ARL10: variants seen among roughly 807,000 people sequenced by gnomAD.
ARL10 encodes ARF like GTPase 10, also known as ADP-ribosylation factor-like protein 10.
A neutral mutation model predicts 26.1 loss-of-function variants in ARL10; 23 were observed. The ratio of observed to expected loss-of-function variants is 0.88; its 90% CI spans 0.63 to 1.25. The LOEUF is 1.25. Among genes scored for constraint, ARL10 ranks in the 50% most tolerant of loss-of-function variants. The pLI is 0.00. For synonymous variants in ARL10, 138 were observed against 149.1 expected, an observed-to-expected ratio of 0.93 and a Z score of 0.54; for missense variants, 300 against 323.6, an observed-to-expected ratio of 0.93 and a Z score of 0.56.
chr5:176,366,558 A>G lies in ARL10; in HGVS notation c.362A>G (p.Asp121Gly). The change falls in exon 2 of 4, where the codon GAC (aspartate) becomes GGC (glycine). Residue 121 changes from aspartate to glycine, a missense_variant. Coordinates refer to ENST00000310389, the MANE Select transcript of ARL10 (RefSeq NM_173664.6). ...GFNSVRLPTK[D>G]FEVDLLEIGG... The stretch of plus-strand genomic sequence containing the variant: ...AACTCCGTGCGTCTGCCCACCAAGG[A>G]CTTTGAGGTGGACCTGCTAGAAAGT... 1.2e-6 allele frequency: 2 copies of G among 1,614,038 alleles called. No homozygotes were observed. Among genetic ancestry groups the G allele is most frequent in the Admixed American group, 3.3e-5 (2 of 60,012 alleles).
At position 176,368,473 on chromosome 5, in the gene ARL10, G is replaced by A. The variant is rs994724340; in HGVS notation, c.386-334G>A. On this transcript the variant is annotated intron_variant, in intron 2 of 3. Transcript: ENST00000310389. The surrounding 1 kb of genome is among the most constrained non-coding windows in gnomAD (Gnocchi z 4.1). ...GTCCCGTGAAAGGTACATCGCACGT[G>A]GTACCTGTGGGTTTTACTGCAACAA... is the stretch of plus-strand genomic sequence containing the variant. 1.3e-5 allele frequency among the ~76,000 whole-genome samples: 2 copies of A among 152,078 alleles called. No individual in the cohort carries two copies. Among genetic ancestry groups the A allele is most frequent in the African/African-American group, 4.8e-5 (2 of 41,398 alleles).
At chr5:176,406,410 G>T, downstream of ARL10, 1 of 1,162,670 alleles carries the variant, frequency 8.6e-7, no homozygotes, top group Non-Finnish European at 1.1e-6. Flanking sequence ...CACCAGCCAA[G>T]CGTGTGCTGC....
chr5:176,390,037 C>T (rs772379584), downstream of ARL10, among the ~76,000 whole-genome samples: 1 of 151,988 alleles, frequency 6.6e-6, no homozygotes, highest in Non-Finnish European at 1.5e-5. Flanking sequence ...ACAAAATTAG[C>T]TGGGCGTGGT....
chr5:176,381,785 A>T lies in ARL10; in HGVS notation c.*9890A>T, dbSNP rs1211785044. ...CCTTTGGAACCAGCACTAATTGTTG[A>T]GGGGGTCCCTGGGGTCCCTTTTTAC... On this transcript the variant is annotated 3_prime_UTR_variant, in exon 4 of 4. Coordinates refer to ENST00000310389, the MANE Select transcript of ARL10 (RefSeq NM_173664.6). 6 of 152,204 alleles carry T rather than the reference A, an allele frequency of 3.9e-5. No individual in the cohort carries two copies. The highest frequency in any genetic ancestry group is 8.8e-5 in the Non-Finnish European group (6 of 68,032). 9.4% of individuals were successfully genotyped at this position (152,204 alleles called of 1,614,324 possible).
intron 3 of ARL10, chr5:176,369,342 T>TGTG (rs1768451566): frequency 6.4e-6 from 4 of 626,090 alleles, no homozygotes; most frequent in Non-Finnish European, 9.5e-6. Context: ...AAGCAATTCT[T>TGTG]GTGCCTCAGC....
chr5:176,371,993 G>T lies in ARL10; in HGVS notation c.*98G>T. The T allele has an allele frequency of 6.7e-7, 1 of 1,493,222 alleles. No homozygotes were observed. Among genetic ancestry groups the T allele is most frequent in the South Asian group, 1.4e-5 (1 of 73,690 alleles). 92.5% of individuals were successfully genotyped at this position (1,493,222 alleles called of 1,614,324 possible). On this transcript the variant is annotated 3_prime_UTR_variant, in exon 4 of 4. Coordinates refer to ENST00000310389, the MANE Select transcript of ARL10 (RefSeq NM_173664.6). ...GGCCTGGGGCAAGAGCCACATGGCA[G>T]CATTTCCCTTTTCCCCTCCTTTGCC...
downstream of ARL10, chr5:176,385,377 G>A (rs1237937179): frequency 8.7e-7 from 1 of 1,149,654 alleles, no homozygotes; most frequent in Non-Finnish European, 1.3e-6. Context: ...TTTGCTTTCT[G>A]TGCTCTTTGA....
intron 1 of ARL10, chr5:176,388,256 C>T: frequency 6.2e-7 from 1 of 1,613,082 alleles, no homozygotes; most frequent in Non-Finnish European, 8.5e-7. Context: ...GGAGGGGCAC[C>T]GCCCTGTTGG....
Position 176,365,650 on chromosome 5 carries a change from G to C in ARL10, c.87G>C (p.Lys29Asn). 1 of 1,255,192 alleles carries C rather than the reference G, an allele frequency of 8.0e-7. No individual in the cohort carries two copies. The highest frequency in any genetic ancestry group is 1.0e-6 in the Non-Finnish European group (1 of 999,224). 77.8% of individuals were successfully genotyped at this position (1,255,192 alleles called of 1,614,324 possible). Residue 29 changes from lysine to asparagine, a missense_variant, in exon 1 of 4, where the codon AAG becomes AAC. Transcript: ENST00000310389. ...GCTCGGTGCTCTTCATCCTCTGGAA[G>C]ACCTACTTCGGCCGCGGCCGAGAGC... ...VLGSVLFILW[K>N]TYFGRGRERR...
chr5:176,409,709 C>T, the ARL10 span, among the ~76,000 whole-genome samples: 1 of 152,040 alleles, frequency 6.6e-6, no homozygotes, highest in African/African-American at 2.4e-5. Flanking sequence ...CCACTGCACC[C>T]GGCCCTGATT....
At chr5:176,398,184 C>A in intron 1 of ARL10, 1 of 719,040 alleles carries the variant, frequency 1.4e-6, no homozygotes, top group South Asian at 1.7e-5. Flanking sequence ...GGTGACTACA[C>A]CTATCTTTGC....
intron 3 of ARL10, 179 bp downstream of exon 3, chr5:176,369,161 C>G (rs1419482592): frequency 1.3e-6 from 2 of 1,534,240 alleles, no homozygotes; most frequent in Non-Finnish European, 8.7e-7. Context: ...CTTTGCCTCC[C>G]TATCATCTCG....
At chr5:176,403,791 G>A (rs533878630), downstream of ARL10, among the ~76,000 whole-genome samples, 2 of 151,492 alleles carry the variant, frequency 1.3e-5, no homozygotes, top group South Asian at 2.1e-4. Context: ...ACAGAGTCTC[G>A]CTCTGTTGTC....
At chr5:176,386,852 A>G, downstream of ARL10, 1 of 1,614,002 alleles carries the variant, frequency 6.2e-7, no homozygotes, top group Non-Finnish European at 8.5e-7. Flanking sequence ...TTCAGCACAT[A>G]GGGCTTCCGT....
chr5:176,367,920 T>G (rs1768377454), intron 2 of ARL10: 1 of 531,524 alleles, frequency 1.9e-6, no homozygotes, highest in Admixed American at 1.9e-5. Context: ...GGCCCCTGCT[T>G]GCCTTGCTCA....
At chr5:176,386,860 C>T (rs1429153685), downstream of ARL10, 20 of 1,613,948 alleles carry the variant, frequency 1.2e-5, no homozygotes, top group African/African-American at 2.7e-5. Flanking sequence ...ATAGGGCTTC[C>T]GTACAAGCTC....
chr5:176,399,715 G>A (rs759471880), intron 1 of ARL10, among the ~76,000 whole-genome samples: 4 of 152,124 alleles, frequency 2.6e-5, no homozygotes, highest in Admixed American at 6.5e-5. Context: ...CCAACATGGC[G>A]AAACCCCGTC....
chr5:176,367,296 A>G (rs1309822683), intron 2 of ARL10, among the ~76,000 whole-genome samples: 1 of 150,906 alleles, frequency 6.6e-6, no homozygotes, highest in Non-Finnish European at 1.5e-5. Context: ...GGCGTAAGCC[A>G]TCGCACCCCA....
chr5:176,409,406 CTTTTTTTTTTTTT>C, the ARL10 span, among the ~76,000 whole-genome samples: 3 of 79,656 alleles, frequency 3.8e-5, no homozygotes, highest in African/African-American at 1.7e-4. Context: ...TCTGATTGCC[CTTTTTTTTTTTTT>C]TTTTTTTTTT....
Sources: gnomAD v4.1 joint callset for allele counts (sites outside exome capture counted in the v4.1 genomes callset) on GRCh38, gnomAD v4.1.1 for gene constraint, Gnocchi (gnomAD v3.1) non-coding constraint, MANE v1.5 for transcripts, NCBI Gene and HGNC (gene_info 2026-07-23, HGNC 2026-07-21) for gene names.